Variants in AMPH observed in about 807,000 individuals in gnomAD.
AMPH encodes the protein amphiphysin (Stiff-Mann syndrome with breast cancer 128kD autoantigen).
A neutral mutation model predicts 99.1 loss-of-function variants in AMPH; 49 were observed. The ratio of observed to expected loss-of-function variants is 0.49; its 90% CI spans 0.39 to 0.63. The LOEUF is 0.63. Ranked by LOEUF, AMPH falls within the 20% of genes least tolerant of loss-of-function variation. AMPH has a pLI of 0.00. For synonymous variants in AMPH, 314 were observed against 317.3 expected (o/e 0.99, Z 0.11); for missense variants, 759 against 863.4 (o/e 0.88, Z 1.52).
chr7:38,398,086 T>G (rs555396155), intron 17 of AMPH, among the ~76,000 whole-genome samples: 11 of 140,118 alleles, frequency 7.9e-5, no homozygotes, highest in African/African-American at 2.7e-4. Context: ...ACTATTATGG[T>G]GAACAGTTTG....
At chr7:38,590,219 C>T (rs1378627759) in intron 1 of AMPH, among the ~76,000 whole-genome samples, 2 of 152,148 alleles carry the variant, frequency 1.3e-5, no homozygotes, top group African/African-American at 4.8e-5. Flanking sequence ...AACCCAGCGA[C>T]TAGTGTTCAG....
At chr7:38,478,118 C>A (rs1284222585) in intron 5 of AMPH, among the ~76,000 whole-genome samples, 1 of 152,018 alleles carries the variant, frequency 6.6e-6, no homozygotes, top group East Asian at 1.9e-4. Flanking sequence ...AGCCCTAACT[C>A]CACTACAAGC....
At chr7:38,612,783 T>C (rs1007046518) in intron 1 of AMPH, among the ~76,000 whole-genome samples, 2 of 152,116 alleles carry the variant, frequency 1.3e-5, no homozygotes, top group Admixed American at 6.6e-5. Flanking sequence ...CCAAAGGAAA[T>C]ATGTGTTATA....
At chr7:38,403,871 T>G (rs190489167) in intron 17 of AMPH, among the ~76,000 whole-genome samples, 1 of 152,318 alleles carries the variant, frequency 6.6e-6, no homozygotes, top group Non-Finnish European at 1.5e-5. Context: ...GAAAGCCTTT[T>G]CAGTGCATTT....
At chr7:38,435,125 G>A (rs1477511152) in intron 12 of AMPH, among the ~76,000 whole-genome samples, 1 of 152,162 alleles carries the variant, frequency 6.6e-6, no homozygotes, top group Non-Finnish European at 1.5e-5. Flanking sequence ...GAGGCTTCCT[G>A]GAACTTTCAC....
At chr7:38,496,718 A>C (rs1788946302) in intron 3 of AMPH, among the ~76,000 whole-genome samples, 1 of 152,176 alleles carries the variant, frequency 6.6e-6, no homozygotes, top group African/African-American at 2.4e-5. Context: ...CTATCAAGAA[A>C]TATACCCCTC....
intron 11 of AMPH, among the ~76,000 whole-genome samples, chr7:38,453,159 C>G (rs1787098427): frequency 6.6e-6 from 1 of 152,258 alleles, no homozygotes; most frequent in South Asian, 2.1e-4. Flanking sequence ...TGACTCCTCC[C>G]CAGATTAGAA....
At chr7:38,582,465 C>T (rs1412594862) in intron 1 of AMPH, among the ~76,000 whole-genome samples, 1 of 152,170 alleles carries the variant, frequency 6.6e-6, no homozygotes, top group African/African-American at 2.4e-5. Context: ...TTCCATGCAT[C>T]AACAGAGTCA....
chr7:38,525,287 G>T (rs201741563), intron 2 of AMPH, among the ~76,000 whole-genome samples: 2,634 of 76,652 alleles, frequency 0.034, 23 homozygotes, highest in Non-Finnish European at 0.037. Flanking sequence ...TAGAGAGAGA[G>T]AGAGAGAGAG....
intron 5 of AMPH, among the ~76,000 whole-genome samples, chr7:38,483,515 C>T (rs963365033): frequency 2.0e-5 from 3 of 152,096 alleles, no homozygotes; most frequent in African/African-American, 7.2e-5. Context: ...AAAATGGCTT[C>T]CAAAGAAAAT....
chr7:38,398,450 A>G (rs80063845), intron 17 of AMPH, among the ~76,000 whole-genome samples: 8,831 of 152,310 alleles, frequency 0.058, 357 homozygotes, highest in East Asian at 0.19. Context: ...ACAGAAAGAC[A>G]AACTTTGAAT....
chr7:38,414,879 G>A (rs1409295657), intron 17 of AMPH, among the ~76,000 whole-genome samples: 1 of 152,070 alleles, frequency 6.6e-6, no homozygotes, highest in Non-Finnish European at 1.5e-5. Flanking sequence ...GGCCAGGCTG[G>A]TCTTGAACTC....
chr7:38,420,607 C>T (rs941208202), intron 16 of AMPH, among the ~76,000 whole-genome samples: 1 of 152,142 alleles, frequency 6.6e-6, no homozygotes, highest in Non-Finnish European at 1.5e-5. Context: ...GGAGTGTAGC[C>T]TTGCAGCACC....
intron 2 of AMPH, among the ~76,000 whole-genome samples, chr7:38,525,161 A>G (rs966326007): frequency 2.8e-4 from 31 of 110,902 alleles, no homozygotes; most frequent in East Asian, 2.7e-3. Context: ...ACTTGTGTGT[A>G]TATATATATA....
At chr7:38,528,567 AT>A (rs1256285071) in intron 2 of AMPH, among the ~76,000 whole-genome samples, 1 of 152,158 alleles carries the variant, frequency 6.6e-6, no homozygotes, top group Non-Finnish European at 1.5e-5. Context: ...TACAGAGGCT[AT>A]AGTAATATCC....
intron 1 of AMPH, among the ~76,000 whole-genome samples, chr7:38,560,291 T>C (rs1342066528): frequency 6.6e-6 from 1 of 152,192 alleles, no homozygotes; most frequent in Non-Finnish European, 1.5e-5. Context: ...TGTTAGATGA[T>C]GCAGTACACA....
intron 1 of AMPH, among the ~76,000 whole-genome samples, chr7:38,609,985 GATCCCACCTGTAA>G (rs1452503205): frequency 1.3e-5 from 2 of 151,634 alleles, no homozygotes; most frequent in Non-Finnish European, 2.9e-5. Flanking sequence ...CCACCTGAGG[GATCCCACCTGTAA>G]ATCCCACCTG....
At chr7:38,445,146 C>T (rs1786723997) in intron 11 of AMPH, among the ~76,000 whole-genome samples, 1 of 146,498 alleles carries the variant, frequency 6.8e-6, no homozygotes, top group South Asian at 2.2e-4. Context: ...CACAAAGGTA[C>T]AACTAATTTT....
chr7:38,560,771 GCAGCA>G (rs1791527444), intron 1 of AMPH, among the ~76,000 whole-genome samples: 1 of 152,184 alleles, frequency 6.6e-6, no homozygotes, highest in South Asian at 2.1e-4. Flanking sequence ...AAGGCTAGCT[GCAGCA>G]CAGCACAATC....
Sources: gnomAD v4.1 joint callset for allele counts (sites outside exome capture counted in the v4.1 genomes callset) on GRCh38, gnomAD v4.1.1 for gene constraint, MANE v1.5 for transcripts, NCBI Gene and HGNC (gene_info 2026-07-23, HGNC 2026-07-21) for gene names.